The following VAV2 variants were observed in gnomAD, a reference collection of about 807,000 sequenced individuals.
The protein encoded by VAV2 is guanine nucleotide exchange factor VAV2.
VAV2 carries 67 observed loss-of-function variants against 132.5 expected under a neutral mutation model. The observed-to-expected ratio is 0.51, with a 90% CI of 0.42 to 0.62. The LOEUF is 0.62. VAV2 is among the 20% of genes least tolerant of loss of function. The pLI is 0.00. For synonymous variants in VAV2, 492 were observed against 443.5 expected (o/e 1.11, Z -1.37); for missense variants, 938 against 1,153.6 (o/e 0.81, Z 2.71).
intron 1 of VAV2, among the ~76,000 whole-genome samples, chr9:133,974,294 A>G (rs1157873958): frequency 1.3e-5 from 2 of 151,714 alleles, no homozygotes; most frequent in Non-Finnish European, 2.9e-5. Flanking sequence ...GCCCACCACA[A>G]CTCCAGCTCC....
rs1837670783 is a variant in VAV2, at chr9:133,863,303, C to T, written c.322-1871G>A. ...TGATCAATCCCTCCGAGGAGCCGGG[C>T]GCAGGCCCAGAGCCCTCCTCCGTGG... On this transcript the variant is annotated intron_variant, in intron 2 of 29. Coordinates refer to ENST00000371850, the MANE Select transcript of VAV2 (RefSeq NM_001134398.2). The surrounding 1 kb of genome is among the most constrained non-coding windows in gnomAD (Gnocchi z 5.0). 6.6e-6 allele frequency among the ~76,000 whole-genome samples: 1 copy of T among 152,206 alleles called. No homozygotes were observed.
At chr9:133,873,101 A>AGGGGGAGGGGGGGGGGGG (rs1266330630) in intron 2 of VAV2, among the ~76,000 whole-genome samples, 1 of 3,340 alleles carries the variant, frequency 3.0e-4, no homozygotes, top group African/African-American at 1.2e-3. Flanking sequence ...CGACAGAGGG[A>AGGGGGAGGGGGGGGGGGG]GGGGGCGGGG....
chr9:133,970,864 T>TG (rs1429004544), intron 1 of VAV2, among the ~76,000 whole-genome samples: 5 of 152,240 alleles, frequency 3.3e-5, no homozygotes, highest in Admixed American at 3.3e-4. Context: ...ATCTACAGCC[T>TG]GGCTCTCCCT....
chr9:133,956,737 G>A (rs920876577), intron 1 of VAV2, among the ~76,000 whole-genome samples: 12 of 152,214 alleles, frequency 7.9e-5, no homozygotes, highest in Non-Finnish European at 1.5e-4. Context: ...CTGCTGCCAG[G>A]CCAACAGCTG....
chr9:133,972,688 C>T (rs1243562928), intron 1 of VAV2, among the ~76,000 whole-genome samples: 3 of 152,308 alleles, frequency 2.0e-5, no homozygotes, highest in South Asian at 4.1e-4. Context: ...CCGAAGGCAG[C>T]GGAGGCTCTT....
Position 133,992,087 on chromosome 9 carries a change from C to A in VAV2, c.192G>T (p.Pro64=). 4 of 1,576,842 alleles carry A rather than the reference C, an allele frequency of 2.5e-6. No individual in the cohort carries two copies. The highest frequency in any genetic ancestry group is 2.6e-6 in the Non-Finnish European group (3 of 1,162,842). The change falls in exon 1 of 30, where the codon CCG becomes CCT. Residue 64 remains proline, a synonymous_variant. Transcript: ENST00000371850. This position sits in a 1 kb window ranked among gnomAD's most constrained non-coding sequence, Gnocchi z 5.5. ...GCCGGGCGCTCACCTGGGACATCTG[C>A]GGCCGGAAGTTGATGTCCTTGAGGT... ...SIDLKDINFR[P]QMSQFLCLKN...
At chr9:133,766,315 C>T (rs545425256) in intron 29 of VAV2, among the ~76,000 whole-genome samples, 1 of 152,346 alleles carries the variant, frequency 6.6e-6, no homozygotes, top group Non-Finnish European at 1.5e-5. Context: ...TCTCCACATC[C>T]TCTCCAATGT....
chr9:133,872,292 A>C (rs1838086942), intron 2 of VAV2, among the ~76,000 whole-genome samples: 1 of 152,220 alleles, frequency 6.6e-6, no homozygotes, highest in Admixed American at 6.5e-5. Context: ...TCCTCCCTGC[A>C]TGCTCGGCTC....
At chr9:133,977,064 G>A (rs1213141825) in intron 1 of VAV2, among the ~76,000 whole-genome samples, 4 of 152,228 alleles carry the variant, frequency 2.6e-5, no homozygotes, top group Admixed American at 6.5e-5. Context: ...CTGAGGTGCT[G>A]GGAGTTGCGG....
intron 3 of VAV2, among the ~76,000 whole-genome samples, chr9:133,856,159 G>A (rs1260012908): frequency 6.6e-6 from 1 of 152,194 alleles, no homozygotes; most frequent in African/African-American, 2.4e-5. Context: ...ACTGCTCATG[G>A]CGACCGGTTT....
At chr9:133,908,170 T>C (rs1420951261) in intron 2 of VAV2, among the ~76,000 whole-genome samples, 1 of 149,436 alleles carries the variant, frequency 6.7e-6, no homozygotes, top group Non-Finnish European at 1.5e-5. Context: ...GGGTGGAGGC[T>C]AAAGTGAGGG....
At chr9:133,780,146 AG>A in intron 20 of VAV2, 1 of 640,524 alleles carries the variant, frequency 1.6e-6, no homozygotes, top group South Asian at 2.0e-5. Context: ...CACTCCTGGA[AG>A]GTCTGTGCCC....
At chr9:133,810,156 A>G in intron 6 of VAV2, 35 bp downstream of exon 6, 1 of 1,612,694 alleles carries the variant, frequency 6.2e-7, no homozygotes, top group Non-Finnish European at 8.5e-7. Context: ...CGGCGCAGGC[A>G]GGACGTCCCC....
intron 2 of VAV2, among the ~76,000 whole-genome samples, chr9:133,914,721 C>G: frequency 1.4e-4 from 1 of 7,144 alleles, no homozygotes; most frequent in South Asian, 8.6e-3. Flanking sequence ...GGGGAGGGAT[C>G]ACGGGAGGGG....
chr9:133,943,593 A>C (rs2132152389), intron 1 of VAV2, among the ~76,000 whole-genome samples: 1 of 152,226 alleles, frequency 6.6e-6, no homozygotes, highest in Non-Finnish European at 1.5e-5. Flanking sequence ...CCCAGAAAAC[A>C]AGCCCTGTGA....
rs114925946 is a variant in VAV2 at position 133,890,962 on chromosome 9, C to T, written c.322-29530G>A. ...TGGCAAGGACCTGCCACCTTTCACACCTGATAAACAAAAATACTTTAAGGT... is the reference window on the plus strand; with the variant it reads ...TGGCAAGGACCTGCCACCTTTCACATCTGATAAACAAAAATACTTTAAGGT... On this transcript the variant is annotated intron_variant, in intron 2 of 29. Coordinates refer to ENST00000371850, the MANE Select transcript of VAV2 (RefSeq NM_001134398.2). Among the ~76,000 whole-genome samples, 1,046 of 152,284 alleles carry T rather than the reference C, an allele frequency of 6.9e-3. 14 individuals carry two copies. The highest frequency in any genetic ancestry group is 0.024 in the African/African-American group (1,001 of 41,560).
intron 1 of VAV2, among the ~76,000 whole-genome samples, chr9:133,984,124 A>ATT (rs1842782463): frequency 1.3e-5 from 2 of 152,072 alleles, no homozygotes; most frequent in Admixed American, 1.3e-4. Context: ...AGTGTGCACC[A>ATT]CCACACCCAG....
At chr9:133,795,519 A>ACTGCC (rs756032271) in intron 12 of VAV2, 149 bp downstream of exon 12, 29 of 961,752 alleles carry the variant, frequency 3.0e-5, no homozygotes, top group Non-Finnish European at 3.8e-5. Flanking sequence ...GGTCTCACCC[A>ACTGCC]CTGCCCTGCC....
chr9:133,888,411 T>C (rs1217234345), intron 2 of VAV2, among the ~76,000 whole-genome samples: 1 of 152,230 alleles, frequency 6.6e-6, no homozygotes, highest in Non-Finnish European at 1.5e-5. Context: ...AGCAGCTGCA[T>C]GTGGGGGCCA....
Sources: gnomAD v4.1 joint callset for allele counts (sites outside exome capture counted in the v4.1 genomes callset) on GRCh38, gnomAD v4.1.1 for gene constraint, Gnocchi (gnomAD v3.1) non-coding constraint, MANE v1.5 for transcripts, NCBI Gene and HGNC (gene_info 2026-07-23, HGNC 2026-07-21) for gene names.